Variants in COG5 observed in about 807,000 individuals in gnomAD.
COG5 encodes the protein component of oligomeric golgi complex 5, also known as conserved oligomeric Golgi complex subunit 5.
A neutral mutation model predicts 110.4 loss-of-function variants in COG5; 86 were observed. That is an observed-to-expected ratio of 0.78 (90% confidence interval 0.65 to 0.93). COG5 has a LOEUF of 0.93. Ranked by LOEUF, COG5 falls within the 40% of genes least tolerant of loss-of-function variation. The pLI, the probability that COG5 is intolerant of heterozygous loss-of-function variation, is 0.00. For synonymous variants in COG5, 360 were observed against 334.6 expected (o/e 1.08, Z -0.83); for missense variants, 1,077 against 987.0 (o/e 1.09, Z -1.22).
chr7:107,378,092 T>A (rs1814781094), intron 7 of COG5, among the ~76,000 whole-genome samples: 1 of 152,244 alleles, frequency 6.6e-6, no homozygotes. Flanking sequence ...CAATCTTTGC[T>A]GTTCTGCAAC....
At chr7:107,409,561 A>G (rs1196411210) in intron 7 of COG5, among the ~76,000 whole-genome samples, 2 of 152,248 alleles carry the variant, frequency 1.3e-5, no homozygotes, top group African/African-American at 4.8e-5. Flanking sequence ...ATAATAAGAT[A>G]TAACTAAGTA....
At chr7:107,313,501 T>C (rs1808459589) in intron 11 of COG5, among the ~76,000 whole-genome samples, 1 of 152,174 alleles carries the variant, frequency 6.6e-6, no homozygotes, top group Admixed American at 6.5e-5. Flanking sequence ...TGTATTTTCT[T>C]ATAGTTTTGG....
chr7:107,371,989 G>A (rs996026528), intron 8 of COG5, among the ~76,000 whole-genome samples: 10 of 152,132 alleles, frequency 6.6e-5, no homozygotes, highest in African/African-American at 2.4e-4. Flanking sequence ...CTTCTTTTAC[G>A]GAGAACTGTG....
chr7:107,290,118 A>G (rs536203982), intron 12 of COG5, among the ~76,000 whole-genome samples: 1 of 152,250 alleles, frequency 6.6e-6, no homozygotes, highest in South Asian at 2.1e-4. Context: ...AAACAAATGC[A>G]TAACTGACTG....
At chr7:107,260,075 G>GATTGATATATATATATATATATATATAT (rs1803205294) in intron 14 of COG5, among the ~76,000 whole-genome samples, 1 of 131,492 alleles carries the variant, frequency 7.6e-6, no homozygotes, top group Admixed American at 7.9e-5. Flanking sequence ...AACTCCTAGT[G>GATTGATATATATATATATATATATATAT]ATATATATAT....
At chr7:107,349,622 A>C (rs1811953101) in intron 10 of COG5, among the ~76,000 whole-genome samples, 2 of 151,394 alleles carry the variant, frequency 1.3e-5, no homozygotes, top group Non-Finnish European at 2.9e-5. Flanking sequence ...CGGTGGTCCG[A>C]TCTCGGCTCA....
intron 11 of COG5, among the ~76,000 whole-genome samples, chr7:107,312,492 G>A (rs1204660717): frequency 6.6e-6 from 1 of 152,126 alleles, no homozygotes; most frequent in Non-Finnish European, 1.5e-5. Context: ...TGTTTGGGTG[G>A]GCATGGGGAA....
intron 6 of COG5, among the ~76,000 whole-genome samples, chr7:107,467,765 C>T (rs1472161007): frequency 1.3e-5 from 2 of 152,128 alleles, no homozygotes; most frequent in Non-Finnish European, 2.9e-5. Context: ...AAGATTTCGG[C>T]ATACCTTGTT....
At position 107,310,138 on chromosome 7, in the gene COG5, C is replaced by T. The variant is rs553241044; in HGVS notation, c.1109-11792G>A. ...TTTCTTTTTATAGCTGCATGTGCCA[C>T]TCTCCCAAACTATAGTTAATATCAT... On this transcript the variant is annotated intron_variant, in intron 11 of 21. Transcript: ENST00000297135. Among the ~76,000 whole-genome samples, 3 of 152,242 alleles carry T rather than the reference C, an allele frequency of 2.0e-5. No homozygotes were observed. The South Asian group carries it at 6.2e-4, about 32-fold the overall frequency.
chr7:107,414,703 C>T lies in COG5; in HGVS notation c.539-2071G>A, dbSNP rs866945891. 1.4e-3 allele frequency among the ~76,000 whole-genome samples: 85 copies of T among 61,708 alleles called. 1 individual carries two copies. The highest frequency in any genetic ancestry group is 0.019 in the Middle Eastern group (2 of 106). The allele number at this position is 61,708 out of a possible 152,430, so 40.5% of individuals were successfully genotyped here. On this transcript the variant is annotated intron_variant, in intron 6 of 21. Coordinates refer to ENST00000297135, the MANE Select transcript of COG5 (RefSeq NM_006348.5). Reference sequence around the variant, plus strand: ...ATTGATTCCAAAATCCTCACTGTCCCTTTTTTTTTTTTTTTTTTTTTTTTT... The same window carrying T: ...ATTGATTCCAAAATCCTCACTGTCCTTTTTTTTTTTTTTTTTTTTTTTTTT...
chr7:107,532,719 A>T (rs1047419159), intron 5 of COG5, among the ~76,000 whole-genome samples: 3 of 152,188 alleles, frequency 2.0e-5, no homozygotes, highest in Non-Finnish European at 2.9e-5. Context: ...CACAGGAGAT[A>T]ACAAAATTAG....
intron 10 of COG5, among the ~76,000 whole-genome samples, chr7:107,351,080 A>C (rs1489897697): frequency 6.6e-6 from 1 of 152,238 alleles, no homozygotes; most frequent in Non-Finnish European, 1.5e-5. Flanking sequence ...TCCCTATACA[A>C]GTAAAACAAG....
chr7:107,342,920 A>G (rs922395190), intron 10 of COG5, among the ~76,000 whole-genome samples: 2 of 152,168 alleles, frequency 1.3e-5, no homozygotes, highest in Non-Finnish European at 2.9e-5. Flanking sequence ...ATGCACTTGT[A>G]TGTTCATCAT....
chr7:107,379,620 G>A (rs1257814016), intron 7 of COG5, among the ~76,000 whole-genome samples: 1 of 151,318 alleles, frequency 6.6e-6, no homozygotes, highest in Non-Finnish European at 1.5e-5. Flanking sequence ...AAAAAAGCGG[G>A]GGTTGCAATC....
At chr7:107,480,427 C>CT in intron 6 of COG5, among the ~76,000 whole-genome samples, 1 of 151,938 alleles carries the variant, frequency 6.6e-6, no homozygotes, top group Non-Finnish European at 1.5e-5. Context: ...GCAGTGAACT[C>CT]TAAGAAAGTT....
chr7:107,362,303 T>C lies in COG5; in HGVS notation c.948+5A>G, dbSNP rs776326738. On this transcript the variant is annotated splice_donor_5th_base_variant and intron_variant, in intron 9 of 21. Transcript: ENST00000297135. ...AATGTTTTTTCCACTCCTTCAAATA[T>C]TTACCTGTCCACAAACAGCATAAAT... is the stretch of plus-strand genomic sequence containing the variant. 10 of 1,590,460 alleles carry C rather than the reference T, an allele frequency of 6.3e-6. No individual in the cohort carries two copies. The East Asian group carries it at 2.2e-4, about 36-fold the overall frequency.
intron 14 of COG5, among the ~76,000 whole-genome samples, chr7:107,277,318 T>G (rs1370984131): frequency 1.3e-5 from 2 of 152,136 alleles, no homozygotes; most frequent in Non-Finnish European, 2.9e-5. Context: ...GAGAATACAG[T>G]CGTGGGTTCT....
At chr7:107,211,520 C>A (rs540221287) in intron 19 of COG5, among the ~76,000 whole-genome samples, 1 of 152,192 alleles carries the variant, frequency 6.6e-6, no homozygotes, top group Non-Finnish European at 1.5e-5. Flanking sequence ...CATCTAATTA[C>A]AAGGCTAAAA....
chr7:107,419,198 G>A (rs922726585), intron 6 of COG5, among the ~76,000 whole-genome samples: 4 of 152,088 alleles, frequency 2.6e-5, no homozygotes, highest in African/African-American at 9.7e-5. Flanking sequence ...TTTTAAAGTC[G>A]TGGTATTTGC....
Sources: gnomAD v4.1 joint callset for allele counts (sites outside exome capture counted in the v4.1 genomes callset) on GRCh38, gnomAD v4.1.1 for gene constraint, MANE v1.5 for transcripts, NCBI Gene and HGNC (gene_info 2026-07-23, HGNC 2026-07-21) for gene names.